AARS2: variants seen among roughly 807,000 people sequenced by gnomAD.
AARS2 encodes alanyl-tRNA synthetase 2, mitochondrial, also known as alanine--tRNA ligase, mitochondrial.
In AARS2, 78 loss-of-function variants were observed where a neutral mutation model predicts 119.7. The ratio of observed to expected loss-of-function variants is 0.65; its 90% CI spans 0.54 to 0.79. The LOEUF (loss-of-function observed/expected upper bound fraction) is 0.79, where lower values mean the gene tolerates loss of function less well. AARS2 is among the 30% of genes least tolerant of loss of function. The pLI, the probability that AARS2 is intolerant of heterozygous loss-of-function variation, is 0.00. For missense variants in AARS2, 1,157 were observed against 1,291.3 expected, an observed-to-expected ratio of 0.90 and a Z score of 1.59; for synonymous variants, 502 against 526.3, an observed-to-expected ratio of 0.95 and a Z score of 0.63.
rs111990690 is a variant in AARS2 at position 44,299,991 on chromosome 6, A to ATTTAT, written c.*555_*556insATAAA. The ATTTAT allele has an allele frequency of 0.9, 145,396 of 160,828 alleles. 66,587 individuals are homozygous for ATTTAT. The highest frequency in any genetic ancestry group is 1 in the East Asian group (5,586 of 5,598). 10.0% of individuals were successfully genotyped at this position (160,828 alleles called of 1,614,324 possible). A position where few individuals can be genotyped will look rare whatever the true frequency, so the allele number is the denominator to read the frequency against. ...GGAGCTTGCTATCCTCTGTGAAATA[A>ATTTAT]TTATTTGAGACAGAGTCTCGCTCTG... On this transcript the variant is annotated 3_prime_UTR_variant, in exon 22 of 22. Coordinates refer to ENST00000244571, the MANE Select transcript of AARS2 (RefSeq NM_020745.4).
rs1432300371 is a variant in AARS2, at chr6:44,304,794, C to T, written c.1603G>A (p.Val535Met). The change falls in exon 12 of 22, where the codon GTG (valine) becomes ATG (methionine). Residue 535 changes from valine (V) to methionine (M), a missense_variant. Coordinates refer to ENST00000244571, the MANE Select transcript of AARS2 (RefSeq NM_020745.4). ...CCGTCCTCTGTATACAGTTGCAACA[C>T]CTGGGCCTCACAGGTGCCGAACTCT... ...SYEFGTCEAQ[V>M]LQLYTEDGTA... The T allele has an allele frequency of 1.9e-6, 3 of 1,614,162 alleles. No individual in the cohort carries two copies. The highest frequency in any genetic ancestry group is 3.3e-5 in the Admixed American group (2 of 60,030).
At chr6:44,308,302 C>T (rs1219131018) in intron 5 of AARS2, among the ~76,000 whole-genome samples, 2 of 152,156 alleles carry the variant, frequency 1.3e-5, no homozygotes, top group Non-Finnish European at 2.9e-5. Context: ...CTTTGGGAGG[C>T]TGAGGCGGGT....
intron 9 of AARS2, 84 bp downstream of exon 9, chr6:44,306,196 T>A: frequency 7.7e-7 from 1 of 1,301,260 alleles, no homozygotes; most frequent in Non-Finnish European, 1.1e-6. Context: ...ATATGAGGCA[T>A]GGGGCTGGCC....
In AARS2 at chr6:44,310,408, C is replaced by T. The variant is rs139974034; in HGVS notation, c.785G>A (p.Arg262Gln). The T allele has an allele frequency of 7.9e-5, 127 of 1,613,952 alleles. No homozygotes were observed. The highest frequency in any genetic ancestry group is 1.9e-4 in the African/African-American group (14 of 74,926). Residue 262 changes from arginine (R) to glutamine (Q), a missense_variant, in exon 5 of 22, where the codon CGG becomes CAG. Physicochemically the swap from Arg to Gln is conservative, Grantham distance 43. Transcript: ENST00000244571. Reference sequence around the variant, plus strand: ...CAGGCCCATTCCTGTGTCCACATGCCGCTGGGGCAGGGGCTGCAGGCTTCC... The same window carrying T: ...CAGGCCCATTCCTGTGTCCACATGCTGCTGGGGCAGGGGCTGCAGGCTTCC... ...ADGSLQPLPQ[R>Q]HVDTGMGLER...
rs771227157 is a variant in AARS2, at chr6:44,307,300, G to A, written c.989C>T (p.Thr330Ile). 4 of 1,613,930 alleles carry A rather than the reference G, an allele frequency of 2.5e-6. No individual in the cohort carries two copies. Among genetic ancestry groups the A allele is most frequent in the Non-Finnish European group, 2.5e-6 (3 of 1,179,920 alleles). ...AYRVVADHIR[T>I]LSVCISDGIF... ...GCCATCAGAGATGCAGACACTGAGT[G>A]TGCGGATGTGGTCAGCCACCACGCG... The change falls in exon 6 of 22, where the codon ACA (threonine) becomes ATA (isoleucine). Residue 330 changes from threonine (T) to isoleucine (I), a missense_variant. Coordinates refer to ENST00000244571, the MANE Select transcript of AARS2 (RefSeq NM_020745.4). The surrounding 1 kb of genome is among the most constrained non-coding windows in gnomAD (Gnocchi z 4.4).
Position 44,304,784 on chromosome 6 carries a change from A to G in AARS2, c.1613T>C (p.Leu538Pro). Reference sequence around the variant, plus strand: ...CACTGCTGTCCCGTCCTCTGTATACAGTTGCAACACCTGGGCCTCACAGGT... The same window carrying G: ...CACTGCTGTCCCGTCCTCTGTATACGGTTGCAACACCTGGGCCTCACAGGT... ...FGTCEAQVLQ[L>P]YTEDGTAVAS... The change falls in exon 12 of 22, where the codon CTG becomes CCG. Residue 538 changes from leucine to proline, a missense_variant. Coordinates refer to ENST00000244571, the MANE Select transcript of AARS2 (RefSeq NM_020745.4). 6.2e-7 allele frequency: 1 copy of G among 1,614,186 alleles called. No individual in the cohort carries two copies. The highest frequency in any genetic ancestry group is 1.3e-5 in the African/African-American group (1 of 75,056).
chr6:44,302,710 G>T, intron 17 of AARS2, 92 bp downstream of exon 17: 1 of 1,466,714 alleles, frequency 6.8e-7, no homozygotes, highest in Non-Finnish European at 9.4e-7. Context: ...CACTGGCTCT[G>T]CTGCTGGGCA....
intron 5 of AARS2, among the ~76,000 whole-genome samples, chr6:44,309,058 C>A (rs899430502): frequency 6.6e-6 from 1 of 152,318 alleles, no homozygotes; most frequent in South Asian, 2.1e-4. Context: ...AGCTGTTTCC[C>A]ATCAAGGGAC....
In AARS2 at chr6:44,307,566, C is replaced by G; in HGVS notation, c.895-172G>C. The G allele has an allele frequency of 1.3e-6, 1 of 773,414 alleles. No individual in the cohort carries two copies. Among genetic ancestry groups the G allele is most frequent in the Non-Finnish European group, 2.1e-6 (1 of 482,850 alleles). The allele number at this position is 773,414 out of a possible 1,614,324, so 47.9% of individuals were successfully genotyped here. On this transcript the variant is annotated intron_variant, in intron 5 of 21. Coordinates refer to ENST00000244571, the MANE Select transcript of AARS2 (RefSeq NM_020745.4). The surrounding 1 kb of genome is among the most constrained non-coding windows in gnomAD (Gnocchi z 4.4). ...ACAGATGAGCACAAGCCAGGCCCTG[C>G]CCTCACGGGGCTCATATTTGGTGCT...
chr6:44,306,288 A>G lies in AARS2; in HGVS notation c.1292T>C (p.Met431Thr), dbSNP rs1785838866. The G allele has an allele frequency of 1.2e-6, 2 of 1,614,126 alleles. No individual in the cohort carries two copies. The highest frequency in any genetic ancestry group is 1.7e-6 in the Non-Finnish European group (2 of 1,180,000). Residue 431 changes from methionine to threonine, a missense_variant, in exon 9 of 22, where the codon ATG (methionine) becomes ACG (threonine). By Grantham distance (81) the Met-to-Thr change is moderately conservative. Transcript: ENST00000244571. ...RTLRTLGPSD[M>T]FPAEVAWSLS... ...CTAGGTATCCTGCTTACCAGGGAACATATCTGAAGGCCCCAGGGTCCTCAG... is the reference window on the plus strand; with the variant it reads ...CTAGGTATCCTGCTTACCAGGGAACGTATCTGAAGGCCCCAGGGTCCTCAG...
intron 5 of AARS2, among the ~76,000 whole-genome samples, chr6:44,308,446 C>T (rs1053032492): frequency 6.6e-5 from 10 of 151,248 alleles, no homozygotes; most frequent in Non-Finnish European, 1.5e-4. Context: ...GGCTGAGGCA[C>T]GAGAATTGCT....
Position 44,302,864 on chromosome 6 carries a change from C to G in AARS2, c.2302G>C (p.Asp768His). 6.2e-7 allele frequency: 1 copy of G among 1,614,124 alleles called. No homozygotes were observed. The change falls in exon 17 of 22, where the codon GAC (aspartate) becomes CAC (histidine). Residue 768 changes from aspartate to histidine, a missense_variant. Coordinates refer to ENST00000244571, the MANE Select transcript of AARS2 (RefSeq NM_020745.4). ...GTAGTGCCCTTGGAAAGCTGGCGGT[C>G]CCCGATGATAACCAGGTCCCCTACA... ...GAVGDLVIIG[D>H]RQLSKGTTRL...
intron 19 of AARS2, among the ~76,000 whole-genome samples, chr6:44,301,698 C>A (rs756976161): frequency 6.6e-6 from 1 of 152,116 alleles, no homozygotes; most frequent in East Asian, 1.9e-4. Flanking sequence ...TAGCTTCAGG[C>A]CCCTACAAAT....
Position 44,311,650 on chromosome 6 carries a change from G to A in AARS2, c.436-115C>T. ...GACTTAAGACAAAAGCATTTCTGCT[G>A]CCATCTTGTTCCCAGAATAAGCCAT... On this transcript the variant is annotated intron_variant, in intron 2 of 21. Transcript: ENST00000244571. The A allele has an allele frequency of 2.4e-6, 3 of 1,274,856 alleles. No individual in the cohort carries two copies. The South Asian group carries it at 3.9e-5, about 16-fold the overall frequency. The allele number at this position is 1,274,856 out of a possible 1,614,324, so 79.0% of individuals were successfully genotyped here. A position where few individuals can be genotyped will look rare whatever the true frequency, so the allele number is the denominator to read the frequency against.
rs1185081133 is a variant in AARS2 at position 44,299,632 on chromosome 6, T to C, written c.*915A>G. ...GCTCCATGAAGGAAGGAACTGTCAGTTTAGTGCCCGCCACGTTCTCAGTTG... is the reference window on the plus strand; with the variant it reads ...GCTCCATGAAGGAAGGAACTGTCAGCTTAGTGCCCGCCACGTTCTCAGTTG... On this transcript the variant is annotated 3_prime_UTR_variant, in exon 22 of 22. Transcript: ENST00000244571. 6.6e-6 allele frequency: 1 copy of C among 152,104 alleles called. No individual in the cohort carries two copies. Among genetic ancestry groups the C allele is most frequent in the Non-Finnish European group, 1.5e-5 (1 of 68,024 alleles). 9.4% of individuals were successfully genotyped at this position (152,104 alleles called of 1,614,324 possible). A position where few individuals can be genotyped will look rare whatever the true frequency, so the allele number is the denominator to read the frequency against.
At chr6:44,303,478 T>C in intron 14 of AARS2, 55 bp from the exon 15 acceptor site, 1 of 1,612,702 alleles carries the variant, frequency 6.2e-7, no homozygotes, top group Non-Finnish European at 8.5e-7. Flanking sequence ...CCCACACCTC[T>C]AACTGATGCA....
At position 44,298,915 on chromosome 6, in the gene AARS2, T is replaced by C. The variant is rs112912251; in HGVS notation, c.*1632A>G. On this transcript the variant is annotated 3_prime_UTR_variant, in exon 22 of 22. Coordinates refer to ENST00000244571, the MANE Select transcript of AARS2 (RefSeq NM_020745.4). ...AAGGAGGGCTTTCCTCCATCTCTGC[T>C]TCCTCCTGCTTTGAAGTGCCAATTT... Among the ~76,000 whole-genome samples the C allele has an allele frequency of 1.4e-5, 2 of 145,726 alleles. No homozygotes were observed. Among genetic ancestry groups the C allele is most frequent in the Non-Finnish European group, 1.5e-5 (1 of 65,598 alleles).
intron 21 of AARS2, 193 bp from the exon 22 acceptor site, chr6:44,300,904 C>A: frequency 4.0e-6 from 3 of 759,468 alleles, no homozygotes; most frequent in Non-Finnish European, 6.6e-6. Context: ...TGAACGTGAA[C>A]ATCTGCTACT....
Position 44,306,396 on chromosome 6 carries a change from A to C in AARS2, c.1189-5T>G, listed in dbSNP as rs1297760813. 1.2e-6 allele frequency: 2 copies of C among 1,613,832 alleles called. No homozygotes were observed. The highest frequency in any genetic ancestry group is 1.7e-6 in the Non-Finnish European group (2 of 1,180,024). On this transcript the variant is annotated splice_polypyrimidine_tract_variant and splice_region_variant and intron_variant, in intron 8 of 21. Transcript: ENST00000244571. The stretch of plus-strand genomic sequence containing the variant: ...CTCTGACACCAGGTTGGCGATCTGA[A>C]CCAGGCAGAGAAGAAGTGGAGCTGG...
Sources: allele counts gnomAD v4.1 joint callset (sites outside exome capture counted in the v4.1 genomes callset), GRCh38; gene constraint gnomAD v4.1.1; non-coding constraint Gnocchi (gnomAD v3.1); transcripts MANE v1.5; gene names NCBI Gene and HGNC (gene_info 2026-07-23, HGNC 2026-07-21).